SEC23B: variants seen among roughly 807,000 people sequenced by gnomAD.
SEC23B encodes SEC23 homolog B, COPII component, also known as protein transport protein Sec23B.
A neutral mutation model predicts 104.3 loss-of-function variants in SEC23B; 77 were observed. That is an observed-to-expected ratio of 0.74 (90% CI 0.61 to 0.89). The LOEUF (loss-of-function observed/expected upper bound fraction) is 0.89. SEC23B is among the 40% of genes least tolerant of loss of function. The pLI, the probability that SEC23B is intolerant of heterozygous loss-of-function variation, is 0.00. For synonymous variants in SEC23B, 338 were observed against 332.5 expected (o/e 1.02, Z -0.18); for missense variants, 885 against 949.4 (o/e 0.93, Z 0.89).
At chr20:18,537,593 G>A (rs1445599830) in intron 12 of SEC23B, among the ~76,000 whole-genome samples, 4 of 152,032 alleles carry the variant, frequency 2.6e-5, no homozygotes, top group East Asian at 3.9e-4. Flanking sequence ...TTGTGGGGTG[G>A]GGGAAGGGGG....
At chr20:18,549,495 G>A (rs550070672) in intron 16 of SEC23B, among the ~76,000 whole-genome samples, 1 of 151,918 alleles carries the variant, frequency 6.6e-6, no homozygotes, top group South Asian at 2.1e-4. Context: ...TGAATTTATA[G>A]ATGTGGAACC....
intron 3 of SEC23B, among the ~76,000 whole-genome samples, chr20:18,515,051 G>A (rs1294487181): frequency 6.6e-6 from 1 of 152,138 alleles, no homozygotes; most frequent in Non-Finnish European, 1.5e-5. Context: ...GGTGGCTTAT[G>A]CCTGTAATCC....
intron 9 of SEC23B, among the ~76,000 whole-genome samples, chr20:18,529,951 A>C (rs1280842011): frequency 6.6e-6 from 1 of 152,258 alleles, no homozygotes; most frequent in Non-Finnish European, 1.5e-5. Context: ...CAAATGCATG[A>C]AATGCTGACA....
chr20:18,546,081 T>C, intron 15 of SEC23B, 48 bp downstream of exon 15: 2 of 1,060,596 alleles, frequency 1.9e-6, no homozygotes, highest in Non-Finnish European at 3.0e-6. Context: ...TAAATTTTGA[T>C]AGAAATTAAC....
chr20:18,549,963 G>A (rs2060370910), intron 16 of SEC23B, among the ~76,000 whole-genome samples: 1 of 145,632 alleles, frequency 6.9e-6, no homozygotes, highest in South Asian at 2.2e-4. Flanking sequence ...AACAGAGCAA[G>A]ACTCCCTCTC....
At chr20:18,547,762 G>T (rs1425372228) in intron 15 of SEC23B, among the ~76,000 whole-genome samples, 1 of 151,934 alleles carries the variant, frequency 6.6e-6, no homozygotes, top group African/African-American at 2.4e-5. Context: ...CTGTACTCTG[G>T]CTCATAACTC....
At chr20:18,516,272 T>A (rs534214345) in intron 4 of SEC23B, among the ~76,000 whole-genome samples, 10 of 145,128 alleles carry the variant, frequency 6.9e-5, no homozygotes, top group African/African-American at 2.5e-4. Flanking sequence ...TTTTACAAAT[T>A]GTATTTATTC....
chr20:18,555,292 T>A, intron 19 of SEC23B, 119 bp downstream of exon 19: 1 of 850,554 alleles, frequency 1.2e-6, no homozygotes, highest in Non-Finnish European at 1.9e-6. Context: ...GTAAGTTGGG[T>A]ATTTTGCTGG....
chr20:18,510,823 TC>T lies in SEC23B; in HGVS notation c.-10del, dbSNP rs749901355. On this transcript the variant is annotated splice_region_variant and 5_prime_UTR_variant, in exon 2 of 20. Coordinates refer to ENST00000650089, the MANE Select transcript of SEC23B (RefSeq NM_006363.6). ...AGGTAATTAAAGTTTTATCTTCAGT[TC>T]CCTTTTAGACTATGGCGACATACCT... The T allele has an allele frequency of 6.2e-7, 1 of 1,610,248 alleles. No individual in the cohort carries two copies. The highest frequency in any genetic ancestry group is 8.5e-7 in the Non-Finnish European group (1 of 1,176,574).
intron 4 of SEC23B, among the ~76,000 whole-genome samples, chr20:18,522,020 G>T (rs571424645): frequency 6.6e-6 from 1 of 152,324 alleles, no homozygotes; most frequent in South Asian, 2.1e-4. Context: ...AAGACACTTA[G>T]ATTTTAGGTC....
intron 19 of SEC23B, among the ~76,000 whole-genome samples, chr20:18,559,863 C>G (rs972370179): frequency 6.6e-6 from 1 of 152,052 alleles, no homozygotes; most frequent in Non-Finnish European, 1.5e-5. Context: ...ACATAAGATG[C>G]CCGAAGTTTT....
chr20:18,560,746 G>T lies in SEC23B; in HGVS notation c.*6G>T. On this transcript the variant is annotated 3_prime_UTR_variant, in exon 20 of 20. Transcript: ENST00000650089. ...CTGTCTCCAGTGCCTGTTAAGCTGA[G>T]GATACAACCAGGAAATGCAACGGTG... 5 of 1,607,746 alleles carry T rather than the reference G, an allele frequency of 3.1e-6. No homozygotes were observed. Among genetic ancestry groups the T allele is most frequent in the Non-Finnish European group, 4.3e-6 (5 of 1,174,382 alleles).
intron 18 of SEC23B, 92 bp downstream of exon 18, chr20:18,554,482 G>T: frequency 6.8e-7 from 1 of 1,473,884 alleles, no homozygotes; most frequent in Non-Finnish European, 9.5e-7. Context: ...AATATTTTAT[G>T]TGATGACATA....
intron 1 of SEC23B, chr20:18,508,433 C>T (rs2059950952): frequency 1.3e-5 from 2 of 152,234 alleles, no homozygotes; most frequent in South Asian, 2.1e-4. Flanking sequence ...TCTTTCCAGG[C>T]CTTTCATTCA....
chr20:18,520,801 C>T (rs914577208), intron 4 of SEC23B, among the ~76,000 whole-genome samples: 1 of 151,794 alleles, frequency 6.6e-6, no homozygotes, highest in African/African-American at 2.4e-5. Context: ...AAGAGTTACC[C>T]AAAGCTCGGC....
At chr20:18,523,804 A>G (rs2060108536) in intron 4 of SEC23B, among the ~76,000 whole-genome samples, 2 of 151,698 alleles carry the variant, frequency 1.3e-5, no homozygotes, top group South Asian at 4.2e-4. Flanking sequence ...TCCTGGGCTT[A>G]AGGGATCCTC....
rs1315213301 is a variant in SEC23B at position 18,555,247 on chromosome 20, T to C, written c.2214+74T>C. On this transcript the variant is annotated intron_variant, in intron 19 of 19. Coordinates refer to ENST00000650089, the MANE Select transcript of SEC23B (RefSeq NM_006363.6). Reference sequence around the variant, plus strand: ...TAAACTTGTTTTAAAATTCTACAAATTGGATCTCTTTTGGCCTGGAGACAG... The same window carrying C: ...TAAACTTGTTTTAAAATTCTACAAACTGGATCTCTTTTGGCCTGGAGACAG... 4.0e-6 allele frequency: 5 copies of C among 1,263,026 alleles called. No homozygotes were observed. The Admixed American group carries it at 8.6e-5, about 22-fold the overall frequency. 78.2% of individuals were successfully genotyped at this position (1,263,026 alleles called of 1,614,324 possible).
At chr20:18,521,372 G>A (rs1039071086) in intron 4 of SEC23B, among the ~76,000 whole-genome samples, 7 of 152,102 alleles carry the variant, frequency 4.6e-5, no homozygotes, top group African/African-American at 1.7e-4. Flanking sequence ...CTTCCTCTGG[G>A]GTCTAGGACA....
At chr20:18,531,098 C>A (rs999365611) in intron 10 of SEC23B, among the ~76,000 whole-genome samples, 2 of 152,232 alleles carry the variant, frequency 1.3e-5, no homozygotes, top group African/African-American at 4.8e-5. Context: ...CACTTTATCC[C>A]TTTGCTTCTT....
Sources: allele counts gnomAD v4.1 joint callset (sites outside exome capture counted in the v4.1 genomes callset), GRCh38; gene constraint gnomAD v4.1.1; transcripts MANE v1.5; gene names NCBI Gene and HGNC (gene_info 2026-07-23, HGNC 2026-07-21).